The following PCNT variants were observed in gnomAD, a reference collection of about 807,000 sequenced individuals.
PCNT encodes kendrin.
Under a neutral mutation model 380.4 loss-of-function variants are expected in PCNT, and 319 were observed. That is an observed-to-expected ratio of 0.84 (90% CI 0.77 to 0.92). The LOEUF is 0.92. Among genes scored for constraint, PCNT ranks in the 40% least tolerant of loss-of-function variants. The pLI is 0.00. For synonymous variants in PCNT, 1,845 were observed against 1,735.2 expected, an observed-to-expected ratio of 1.06 and a Z score of -1.57; for missense variants, 4,400 against 4,255.3, an observed-to-expected ratio of 1.03 and a Z score of -0.95.
chr21:46,386,983 C>T (rs2085860231), intron 17 of PCNT, among the ~76,000 whole-genome samples: 1 of 152,138 alleles, frequency 6.6e-6, no homozygotes, highest in South Asian at 2.1e-4. Context: ...GGTCCAGCCA[C>T]TGCTCCCGTC....
chr21:46,411,492 G>T lies in PCNT; in HGVS notation c.5419G>T (p.Ala1807Ser). The change falls in exon 28 of 47, where the codon GCT becomes TCT. Residue 1807 changes from alanine (A) to serine (S), a missense_variant. Ala to Ser is a moderately conservative substitution (Grantham distance 99). Coordinates refer to ENST00000359568, the MANE Select transcript of PCNT (RefSeq NM_006031.6). ...EAKEALSRLLADQERRHSQAL... is the reference protein window; with the variant it reads ...EAKEALSRLLSDQERRHSQAL... Reference sequence around the variant, plus strand: ...CAAGGAGGCCCTGAGCCGGCTGCTGGCTGACCAGGAGCGCAGGCACAGCCA... The same window carrying T: ...CAAGGAGGCCCTGAGCCGGCTGCTGTCTGACCAGGAGCGCAGGCACAGCCA... 1 of 1,609,522 alleles carries T rather than the reference G, an allele frequency of 6.2e-7. No homozygotes were observed.
At chr21:46,339,117 T>C (rs1178148499) in intron 3 of PCNT, among the ~76,000 whole-genome samples, 4 of 152,164 alleles carry the variant, frequency 2.6e-5, no homozygotes, top group Non-Finnish European at 5.9e-5. Context: ...AGTTTTACCA[T>C]GTTGGCCAGG....
Position 46,430,553 on chromosome 21 carries a change from G to C in PCNT, c.7960G>C (p.Glu2654Gln). 6.4e-7 allele frequency: 1 copy of C among 1,557,246 alleles called. No homozygotes were observed. Among genetic ancestry groups the C allele is most frequent in the Middle Eastern group, 2.1e-4 (1 of 4,690 alleles). ...KENELKAALQ[E>Q]LESEQGKGRA... ...GAACGAGCTGAAGGCCGCGCTTCAG[G>C]AGCTGGAGAGTGAGCAGGGGAAGGG... The change falls in exon 37 of 47, where the codon GAG becomes CAG. Residue 2654 changes from glutamate (E) to glutamine (Q), a missense_variant. Glu to Gln is a conservative substitution (Grantham distance 29). Coordinates refer to ENST00000359568, the MANE Select transcript of PCNT (RefSeq NM_006031.6).
At chr21:46,378,155 C>T (rs991450299) in intron 15 of PCNT, among the ~76,000 whole-genome samples, 5 of 152,054 alleles carry the variant, frequency 3.3e-5, no homozygotes, top group African/African-American at 1.2e-4. Flanking sequence ...ACGGTGGTCG[C>T]CCCTTACCCA....
Position 46,363,801 on chromosome 21 carries a change from C to T in PCNT, c.2476C>T (p.Gln826Ter), listed in dbSNP as rs2084801368. Residue 826 changes from glutamine (Q) to a stop codon, truncating the protein, a stop_gained, in exon 14 of 47, where the codon CAG (glutamine) becomes TAG (stop). Coordinates refer to ENST00000359568, the MANE Select transcript of PCNT (RefSeq NM_006031.6). LOFTEE classifies it high-confidence loss of function. ...GCAGGGCCGCCTGCAGCAGCTGGAA[C>T]AGGACCTCACTTCAGACGACGCCCT... ...EQQGRLQQLE[Q>*]DLTSDDALHC... The T allele has an allele frequency of 6.2e-7, 1 of 1,613,380 alleles. No homozygotes were observed. Among genetic ancestry groups the T allele is most frequent in the Non-Finnish European group, 8.5e-7 (1 of 1,179,558 alleles).
chr21:46,338,651 C>T (rs750343843), intron 3 of PCNT, among the ~76,000 whole-genome samples: 68 of 145,286 alleles, frequency 4.7e-4, no homozygotes, highest in Admixed American at 1.7e-3. Context: ...GCACTCTTGT[C>T]GCCCAGGCTG....
chr21:46,346,374 C>G (rs1326125883), intron 4 of PCNT, among the ~76,000 whole-genome samples, 166 bp downstream of exon 4: 2 of 152,180 alleles, frequency 1.3e-5, no homozygotes, highest in Non-Finnish European at 2.9e-5. Context: ...GTGGAGGAGA[C>G]ACACGTGGAT....
chr21:46,414,729 G>A (rs147165843), intron 29 of PCNT, among the ~76,000 whole-genome samples: 10,552 of 37,782 alleles, frequency 0.28, 2,257 homozygotes, highest in African/African-American at 0.57. Flanking sequence ...ACACACAGCT[G>A]CCCACCCTCC....
rs564193327 is a variant in PCNT at position 46,440,866 on chromosome 21, G to A, written c.9405G>A (p.Leu3135=). ...TTTTTTTCTTTTAGATGGAAAAATT[G>A]TACCTGCATTACTTGAGAGCAGAGA... ...AHTSNVKMEK[L]YLHYLRAESF... Residue 3135 remains leucine, a synonymous_variant, in exon 43 of 47, where the codon TTG becomes TTA. Coordinates refer to ENST00000359568, the MANE Select transcript of PCNT (RefSeq NM_006031.6). The A allele has an allele frequency of 6.2e-6, 10 of 1,604,024 alleles. No individual in the cohort carries two copies. In the South Asian group the frequency reaches 6.6e-5, roughly 11 times the overall value.
At position 46,326,584 on chromosome 21, in the gene PCNT, G is replaced by T. The variant is rs768342760; in HGVS notation, c.262G>T (p.Ala88Ser). ...TGATGGGGCAGGAGGGGCCTTTGCA[G>T]CTCAGGTAGATTTGCTCAATGTTGT... ...TPDGAGGAFA[A>S]QPEDCDGEKR... The change falls in exon 2 of 47, where the codon GCT (alanine) becomes TCT (serine). Residue 88 changes from alanine (A) to serine (S), a missense_variant. Coordinates refer to ENST00000359568, the MANE Select transcript of PCNT (RefSeq NM_006031.6). 1.2e-6 allele frequency: 2 copies of T among 1,613,772 alleles called. No homozygotes were observed. The highest frequency in any genetic ancestry group is 2.7e-5 in the African/African-American group (2 of 75,050).
At chr21:46,358,023 C>T (rs1443542875) in intron 13 of PCNT, among the ~76,000 whole-genome samples, 1 of 152,250 alleles carries the variant, frequency 6.6e-6, no homozygotes, top group Non-Finnish European at 1.5e-5. Flanking sequence ...GCCAGGGCAG[C>T]TCAGGGTCCA....
At chr21:46,346,072 T>A in intron 3 of PCNT, 56 bp from the exon 4 acceptor site, 1 of 1,525,936 alleles carries the variant, frequency 6.6e-7, no homozygotes, top group South Asian at 1.1e-5. Flanking sequence ...CTTGAGCACA[T>A]CACTGTGGCT....
chr21:46,350,899 G>T (rs1162731675), intron 8 of PCNT, among the ~76,000 whole-genome samples: 2 of 152,230 alleles, frequency 1.3e-5, no homozygotes, highest in Non-Finnish European at 2.9e-5. Flanking sequence ...GTGCAGCGTT[G>T]CCCAGGAGGA....
chr21:46,431,907 G>A lies in PCNT; in HGVS notation c.8443G>A (p.Ala2815Thr). The part of the protein sequence containing the change: ...QAMLEKVQQQ[A>T]LHSQQQLEAE... ...GATGCTTGAAAAGGTGCAGCAGCAA[G>A]CCCTGCATTCTCAGCAGCAGCTTGA... The change falls in exon 38 of 47, where the codon GCC becomes ACC. Residue 2815 changes from alanine to threonine, a missense_variant. Physicochemically the swap from Ala to Thr is moderately conservative, Grantham distance 58. Transcript: ENST00000359568. The A allele has an allele frequency of 6.2e-7, 1 of 1,614,142 alleles. No individual in the cohort carries two copies.
chr21:46,327,252 G>T (rs534724016), intron 2 of PCNT, among the ~76,000 whole-genome samples: 4 of 151,860 alleles, frequency 2.6e-5, no homozygotes, highest in African/African-American at 9.7e-5. Context: ...ATAGAGGTGG[G>T]GTTTCACTGT....
intron 24 of PCNT, among the ~76,000 whole-genome samples, chr21:46,399,298 G>A (rs113346709): frequency 1.7e-3 from 99 of 57,138 alleles, no homozygotes; most frequent in East Asian, 3.5e-3. Flanking sequence ...CTGTGAGTCT[G>A]GGTCTCTTTT....
intron 13 of PCNT, among the ~76,000 whole-genome samples, chr21:46,359,840 A>G (rs2084640712): frequency 6.6e-6 from 1 of 150,546 alleles, no homozygotes; most frequent in Non-Finnish European, 1.5e-5. Flanking sequence ...TGTCTGGTGT[A>G]TCTTTTTTTA....
At chr21:46,387,564 A>G (rs1334494161) in intron 17 of PCNT, among the ~76,000 whole-genome samples, 3 of 151,946 alleles carry the variant, frequency 2.0e-5, no homozygotes, top group East Asian at 3.9e-4. Flanking sequence ...TGCCTGCAGG[A>G]GTTGGGCATT....
intron 15 of PCNT, among the ~76,000 whole-genome samples, chr21:46,373,779 G>GA (rs1202224495): frequency 7.3e-6 from 1 of 137,700 alleles, no homozygotes; most frequent in Non-Finnish European, 1.5e-5. Context: ...CGCCAGGCTG[G>GA]AGTGCAGTGG....
Sources: gnomAD v4.1 joint callset for allele counts (sites outside exome capture counted in the v4.1 genomes callset) on GRCh38, gnomAD v4.1.1 for gene constraint, MANE v1.5 for transcripts, NCBI Gene and HGNC (gene_info 2026-07-23, HGNC 2026-07-21) for gene names.